GSE1: variants seen among roughly 807,000 people sequenced by gnomAD.
GSE1 encodes the protein Gse1 coiled-coil protein.
GSE1 carries 32 observed loss-of-function variants against 112.6 expected under a neutral mutation model. The ratio of observed to expected loss-of-function variants is 0.28; its 90% CI spans 0.21 to 0.38. The LOEUF (loss-of-function observed/expected upper bound fraction) is 0.38, where lower values mean the gene tolerates loss of function less well. GSE1 is among the 10% of genes least tolerant of loss of function. GSE1 has a pLI of 1.00. For missense variants in GSE1, 2,348 were observed against 1,699.2 expected, an observed-to-expected ratio of 1.38 and a Z score of -6.71; for synonymous variants, 1,115 against 735.6, an observed-to-expected ratio of 1.52 and a Z score of -8.35.
chr16:85,615,462 G>C (rs1451637267), intron 1 of GSE1, among the ~76,000 whole-genome samples: 1 of 152,172 alleles, frequency 6.6e-6, no homozygotes, highest in Non-Finnish European at 1.5e-5. Context: ...ACCAAAGTCA[G>C]GAGGGGAAGC....
At chr16:85,457,514 G>A (rs2049861606) in intron 2 of GSE1, among the ~76,000 whole-genome samples, 1 of 152,244 alleles carries the variant, frequency 6.6e-6, no homozygotes, top group South Asian at 2.1e-4. Context: ...TCGTGGTGAT[G>A]AGATGTGTCA....
chr16:85,445,419 G>C (rs574838934), intron 2 of GSE1, among the ~76,000 whole-genome samples: 3 of 152,208 alleles, frequency 2.0e-5, no homozygotes, highest in African/African-American at 7.2e-5. Context: ...CAGAGTGCTC[G>C]CTGGCGGCCA....
chr16:85,415,489 C>T (rs945288129), intron 2 of GSE1, among the ~76,000 whole-genome samples: 6 of 152,202 alleles, frequency 3.9e-5, no homozygotes, highest in African/African-American at 1.4e-4. Flanking sequence ...GCTGGCAAAC[C>T]GGGTCCTCAC....
rs115112264 is a variant in GSE1, at chr16:85,575,106, A to G, written c.37+18743A>G. ...ATTAAATGTGGCTGCCTATTGTCAG[A>G]AGACAAAGTTGGATATTTATCACAC... On this transcript the variant is annotated intron_variant, in intron 1 of 2. Transcript: ENST00000635906. Among the ~76,000 whole-genome samples the G allele has an allele frequency of 4.6e-3, 687 of 149,130 alleles. 3 individuals carry two copies. The highest frequency in any genetic ancestry group is 0.016 in the African/African-American group (644 of 40,612).
chr16:85,516,648 CATT>C (rs935131032), intron 2 of GSE1, among the ~76,000 whole-genome samples: 31 of 148,692 alleles, frequency 2.1e-4, no homozygotes, highest in African/African-American at 7.4e-4. Context: ...TCAGCTGTAA[CATT>C]AGAGGGCCAG....
At chr16:85,638,483 C>T (rs1000194729) in intron 2 of GSE1, among the ~76,000 whole-genome samples, 1 of 152,224 alleles carries the variant, frequency 6.6e-6, no homozygotes, top group African/African-American at 2.4e-5. Flanking sequence ...CACTTTCCTT[C>T]CTTGCTGTGT....
intron 1 of GSE1, among the ~76,000 whole-genome samples, chr16:85,265,506 T>C (rs1422908164): frequency 6.6e-6 from 1 of 152,160 alleles, no homozygotes; most frequent in African/African-American, 2.4e-5. Context: ...TTCTAGAATA[T>C]GTCCGGACTA....
intron 1 of GSE1, among the ~76,000 whole-genome samples, chr16:85,327,879 G>A (rs1044404009): frequency 6.6e-6 from 1 of 152,176 alleles, no homozygotes; most frequent in Non-Finnish European, 1.5e-5. Flanking sequence ...TATTTGGGAG[G>A]ATGTTGTCTT....
chr16:85,382,088 C>T (rs2047559478), intron 2 of GSE1, among the ~76,000 whole-genome samples: 1 of 152,264 alleles, frequency 6.6e-6, no homozygotes, highest in Admixed American at 6.5e-5. Flanking sequence ...CTTGGCTCCT[C>T]CGCTGTGATC....
At chr16:85,415,607 C>T (rs2048686228) in intron 2 of GSE1, among the ~76,000 whole-genome samples, 1 of 152,242 alleles carries the variant, frequency 6.6e-6, no homozygotes, top group South Asian at 2.1e-4. Flanking sequence ...AGCAGCTGGC[C>T]TCTGCTGACC....
intron 2 of GSE1, among the ~76,000 whole-genome samples, chr16:85,455,699 G>A (rs1020739385): frequency 2.0e-5 from 3 of 152,244 alleles, no homozygotes; most frequent in African/African-American, 7.2e-5. Flanking sequence ...CCCCGCACGA[G>A]ACTTCAGGTG....
At chr16:85,496,984 T>G (rs112723185) in intron 2 of GSE1, among the ~76,000 whole-genome samples, 11,032 of 151,920 alleles carry the variant, frequency 0.073, 781 homozygotes, top group East Asian at 0.38. Context: ...TTGCAACCTC[T>G]GCCTCCCAGG....
intron 1 of GSE1, among the ~76,000 whole-genome samples, chr16:85,267,015 G>A (rs755651609): frequency 3.9e-5 from 6 of 152,236 alleles, no homozygotes; most frequent in Non-Finnish European, 4.4e-5. Context: ...GCTCCGAGAC[G>A]GCTGGCTCCT....
intron 2 of GSE1, among the ~76,000 whole-genome samples, chr16:85,371,472 CA>C (rs2047299924): frequency 6.6e-6 from 1 of 152,170 alleles, no homozygotes; most frequent in Non-Finnish European, 1.5e-5. Flanking sequence ...AGTGCTGGCC[CA>C]GGGGACGGTG....
At chr16:85,199,530 C>G (rs184449509) in intron 1 of GSE1, among the ~76,000 whole-genome samples, 1 of 152,204 alleles carries the variant, frequency 6.6e-6, no homozygotes, top group East Asian at 1.9e-4. Context: ...TTTAATTTAT[C>G]AGAGGCGCAT....
At chr16:85,240,679 G>T (rs9936318) in intron 1 of GSE1, among the ~76,000 whole-genome samples, 5,738 of 152,298 alleles carry the variant, frequency 0.038, 165 homozygotes, top group East Asian at 0.14. Context: ...GCCCTGCGAG[G>T]TTCCTCGGGG....
At chr16:85,656,319 C>G (rs761567268) in intron 6 of GSE1, 24 bp from the exon 7 acceptor site, 19 of 1,609,412 alleles carry the variant, frequency 1.2e-5, no homozygotes, top group Admixed American at 1.7e-5. Context: ...CAGCAGAGCC[C>G]CCAACTCTTT....
rs1016882191 is a variant in GSE1 at position 85,419,483 on chromosome 16, G to A, written c.2464+61840G>A. Among the ~76,000 whole-genome samples, 1 of 152,008 alleles carries A rather than the reference G, an allele frequency of 6.6e-6. No homozygotes were observed. Among genetic ancestry groups the A allele is most frequent in the African/African-American group, 2.4e-5 (1 of 41,380 alleles). ...TAGCCAGGCGTGGTGGTGCACATCTGTGGTCCTAGCTACTCGGGAGGCTGA... is the reference window on the plus strand; with the variant it reads ...TAGCCAGGCGTGGTGGTGCACATCTATGGTCCTAGCTACTCGGGAGGCTGA... On this transcript the variant is annotated intron_variant, in intron 2 of 2. Coordinates refer to the GSE1 transcript ENST00000637419. The surrounding 1 kb of genome is among the most constrained non-coding windows in gnomAD (Gnocchi z 6.5).
At chr16:85,596,109 G>A (rs2047216842) in intron 1 of GSE1, among the ~76,000 whole-genome samples, 1 of 151,262 alleles carries the variant, frequency 6.6e-6, no homozygotes, top group South Asian at 2.1e-4. Flanking sequence ...CTGTCTATCC[G>A]TGGTCCCTAC....
Sources: allele counts gnomAD v4.1 joint callset (sites outside exome capture counted in the v4.1 genomes callset), GRCh38; gene constraint gnomAD v4.1.1; non-coding constraint Gnocchi (gnomAD v3.1); transcripts MANE v1.5; gene names NCBI Gene and HGNC (gene_info 2026-07-23, HGNC 2026-07-21).